The following OLA1 variants were observed in gnomAD, a reference collection of about 807,000 sequenced individuals.
OLA1 encodes the protein Obg like ATPase 1.
A neutral mutation model predicts 48.4 loss-of-function variants in OLA1; 14 were observed. The observed-to-expected ratio is 0.29, with a 90% CI of 0.19 to 0.45. The LOEUF (loss-of-function observed/expected upper bound fraction) is 0.45, where lower values mean the gene tolerates loss of function less well. OLA1 is among the 20% of genes least tolerant of loss of function. The pLI is 1.00. For missense variants in OLA1, 325 were observed against 467.1 expected, an observed-to-expected ratio of 0.70 and a Z score of 2.80; for synonymous variants, 127 against 150.4, an observed-to-expected ratio of 0.84 and a Z score of 1.14.
At position 174,114,047 on chromosome 2, in the gene OLA1, G is replaced by A. The variant is rs369828095; in HGVS notation, c.728+9133C>T. On this transcript the variant is annotated intron_variant, in intron 7 of 10. Coordinates refer to ENST00000284719, the MANE Select transcript of OLA1 (RefSeq NM_013341.5). ...AGTTTGGTATAAGAAAAGCTAAATC[G>A]GCCGGGCGCGGTGGCTCATGCCTGT... Among the ~76,000 whole-genome samples, 19 of 151,752 alleles carry A rather than the reference G, an allele frequency of 1.3e-4. No individual in the cohort carries two copies. The South Asian group carries it at 2.1e-3, about 17-fold the overall frequency.
rs572309760 is a variant in OLA1 at position 174,175,588 on chromosome 2, T to C, written c.374-33588A>G. ...ACAATATCAAGTGCTAGAAAGGATG[T>C]GGAGGAACTGGAACTCATATTGCTG... On this transcript the variant is annotated intron_variant, in intron 4 of 10. Transcript: ENST00000284719. 2.6e-5 allele frequency among the ~76,000 whole-genome samples: 4 copies of C among 152,144 alleles called. No homozygotes were observed. The South Asian group carries it at 6.2e-4, about 24-fold the overall frequency.
At chr2:174,138,426 G>A (rs546925935) in intron 5 of OLA1, among the ~76,000 whole-genome samples, 1 of 152,274 alleles carries the variant, frequency 6.6e-6, no homozygotes, top group Admixed American at 6.5e-5. Context: ...TATGTGCATC[G>A]TTCATGGCTC....
chr2:174,073,117 G>A lies in OLA1; in HGVS notation c.*2309C>T, dbSNP rs1684644732. ...CAATCCTCCCATCTCAGCCTCCTAA[G>A]TAGCTGGGACTACAGGTGTGTGCCA... On this transcript the variant is annotated 3_prime_UTR_variant, in exon 11 of 11. Coordinates refer to ENST00000284719, the MANE Select transcript of OLA1 (RefSeq NM_013341.5). The A allele has an allele frequency of 6.6e-6, 1 of 152,164 alleles. No homozygotes were observed. The highest frequency in any genetic ancestry group is 1.5e-5 in the Non-Finnish European group (1 of 68,058). The allele number at this position is 152,164 out of a possible 1,614,324, so 9.4% of individuals were successfully genotyped here. A position where few individuals can be genotyped will look rare whatever the true frequency, so the allele number is the denominator to read the frequency against.
rs1462555516 is a variant in OLA1 at position 174,072,612 on chromosome 2, GAAC to G, written c.*2811_*2813del. The G allele has an allele frequency of 1.3e-5, 2 of 152,150 alleles. No homozygotes were observed. Among genetic ancestry groups the G allele is most frequent in the African/African-American group, 4.8e-5 (2 of 41,436 alleles). The allele number at this position is 152,150 out of a possible 1,614,324, so 9.4% of individuals were successfully genotyped here. On this transcript the variant is annotated 3_prime_UTR_variant, in exon 11 of 11. Transcript: ENST00000284719. ...CAAGTGAATTTAAGTAGACTAATCAGAACAATAGAAGAGGCAGGAGGAGGAGAT... is the reference window on the plus strand; with the variant it reads ...CAAGTGAATTTAAGTAGACTAATCAGAATAGAAGAGGCAGGAGGAGGAGAT...
At chr2:174,178,683 A>G (rs1334949293) in intron 4 of OLA1, among the ~76,000 whole-genome samples, 2 of 151,968 alleles carry the variant, frequency 1.3e-5, no homozygotes, top group Non-Finnish European at 2.9e-5. Context: ...TCTATTCAAC[A>G]TCTTTAACCT....
intron 4 of OLA1, among the ~76,000 whole-genome samples, chr2:174,175,748 A>G (rs1006600820): frequency 4.6e-5 from 7 of 152,086 alleles, no homozygotes; most frequent in African/African-American, 1.7e-4. Flanking sequence ...ACATATATCC[A>G]TACAAACATT....
At chr2:174,076,663 A>C (rs1684744645) in intron 10 of OLA1, among the ~76,000 whole-genome samples, 1 of 152,032 alleles carries the variant, frequency 6.6e-6, no homozygotes, top group Non-Finnish European at 1.5e-5. Flanking sequence ...AACTGTCCTG[A>C]TTTTAACAGA....
rs1195534929 is a variant in OLA1 at position 174,123,681 on chromosome 2, CAT to C, written c.550-8_550-7del. ...TTTACTTTGCACATTATATCCTACA[CAT>C]GATTGAGAAAAAGGTAAATATATAT... On this transcript the variant is annotated splice_region_variant and splice_polypyrimidine_tract_variant and intron_variant, in intron 5 of 10. Coordinates refer to ENST00000284719, the MANE Select transcript of OLA1 (RefSeq NM_013341.5). 4 of 1,491,578 alleles carry C rather than the reference CAT, an allele frequency of 2.7e-6. No homozygotes were observed. Among genetic ancestry groups the C allele is most frequent in the Admixed American group, 4.2e-5 (2 of 47,100 alleles). The allele number at this position is 1,491,578 out of a possible 1,614,324, so 92.4% of individuals were successfully genotyped here. A position where few individuals can be genotyped will look rare whatever the true frequency, so the allele number is the denominator to read the frequency against.
rs1686464475 is a variant in OLA1, at chr2:174,142,035, AAAT to A, written c.374-38_374-36del. On this transcript the variant is annotated intron_variant, in intron 4 of 10. Coordinates refer to ENST00000284719, the MANE Select transcript of OLA1 (RefSeq NM_013341.5). ...ATTAAAGGGAAGCAATTCAATAAAC[AAAT>A]AATACAGCGTGTTCATTATGATAGA... The A allele has an allele frequency of 1.9e-6, 3 of 1,556,320 alleles. No homozygotes were observed. In the Admixed American group the frequency reaches 5.0e-5, roughly 26 times the overall value.
chr2:174,117,857 G>A (rs2105364110), intron 7 of OLA1, among the ~76,000 whole-genome samples: 1 of 152,176 alleles, frequency 6.6e-6, no homozygotes, highest in African/African-American at 2.4e-5. Context: ...AGATTTCTGA[G>A]CTTCAAAATT....
chr2:174,202,770 T>C (rs186241618), intron 4 of OLA1, among the ~76,000 whole-genome samples: 2 of 152,344 alleles, frequency 1.3e-5, no homozygotes, highest in Admixed American at 6.5e-5. Flanking sequence ...TTCCTTATGA[T>C]TTTCTTAATA....
rs1574465247 is a variant in OLA1, at chr2:174,073,793, A to G, written c.*1633T>C. On this transcript the variant is annotated 3_prime_UTR_variant, in exon 11 of 11. Coordinates refer to ENST00000284719, the MANE Select transcript of OLA1 (RefSeq NM_013341.5). Reference sequence around the variant, plus strand: ...AATCCCTAACAATCCACTAATCTACACATTACTCCAATACAGAAATAGATA... The same window carrying G: ...AATCCCTAACAATCCACTAATCTACGCATTACTCCAATACAGAAATAGATA... 6.6e-6 allele frequency: 1 copy of G among 152,286 alleles called. No individual in the cohort carries two copies. The highest frequency in any genetic ancestry group is 1.9e-4 in the East Asian group (1 of 5,186). 9.4% of individuals were successfully genotyped at this position (152,286 alleles called of 1,614,324 possible). A position where few individuals can be genotyped will look rare whatever the true frequency, so the allele number is the denominator to read the frequency against.
chr2:174,247,480 T>C (rs1689152040), intron 1 of OLA1, among the ~76,000 whole-genome samples: 1 of 152,232 alleles, frequency 6.6e-6, no homozygotes, highest in African/African-American at 2.4e-5. Context: ...ACTTTATATC[T>C]TAACCTGATA....
chr2:174,152,679 G>A (rs1574512647), intron 4 of OLA1, among the ~76,000 whole-genome samples: 1 of 152,248 alleles, frequency 6.6e-6, no homozygotes, highest in East Asian at 1.9e-4. Flanking sequence ...ATATAAAAAT[G>A]GAAATAATTG....
At chr2:174,163,697 A>G (rs1687066089) in intron 4 of OLA1, among the ~76,000 whole-genome samples, 1 of 64,094 alleles carries the variant, frequency 1.6e-5, no homozygotes, top group African/African-American at 6.9e-5. Flanking sequence ...TCTCAAAAAT[A>G]AAATAAATAA....
At chr2:174,209,117 T>C (rs747911627) in intron 4 of OLA1, among the ~76,000 whole-genome samples, 4 of 152,196 alleles carry the variant, frequency 2.6e-5, no homozygotes, top group Admixed American at 2.0e-4. Flanking sequence ...ACAAACATCA[T>C]GAGATCCAGC....
At chr2:174,192,505 G>T (rs947437910) in intron 4 of OLA1, among the ~76,000 whole-genome samples, 1 of 152,126 alleles carries the variant, frequency 6.6e-6, no homozygotes, top group Non-Finnish European at 1.5e-5. Context: ...CTGCAAAGTT[G>T]AGTAGTTTCA....
At chr2:174,077,128 T>C (rs1684758762) in intron 10 of OLA1, among the ~76,000 whole-genome samples, 1 of 152,120 alleles carries the variant, frequency 6.6e-6, no homozygotes. Context: ...TGAGTATGTA[T>C]TAAACAAGAC....
chr2:174,246,287 G>A (rs2105470110), intron 2 of OLA1, among the ~76,000 whole-genome samples: 1 of 146,806 alleles, frequency 6.8e-6, no homozygotes, highest in African/African-American at 2.5e-5. Context: ...GCGACAGAGT[G>A]AGACTCCATC....
Sources: gnomAD v4.1 joint callset for allele counts (sites outside exome capture counted in the v4.1 genomes callset) on GRCh38, gnomAD v4.1.1 for gene constraint, MANE v1.5 for transcripts, NCBI Gene and HGNC (gene_info 2026-07-23, HGNC 2026-07-21) for gene names.